The following L3MBTL3 variants were observed in gnomAD, a reference collection of about 807,000 sequenced individuals.
L3MBTL3 encodes L3MBTL histone methyl-lysine binding protein 3.
A neutral mutation model predicts 102.3 loss-of-function variants in L3MBTL3; 27 were observed. The observed-to-expected ratio is 0.26, with a 90% CI of 0.19 to 0.36. The LOEUF (loss-of-function observed/expected upper bound fraction) is 0.36, where lower values mean the gene tolerates loss of function less well. L3MBTL3 is among the 10% of genes least tolerant of loss of function. L3MBTL3 has a pLI of 1.00. For synonymous variants in L3MBTL3, 340 were observed against 320.9 expected, an observed-to-expected ratio of 1.06 and a Z score of -0.64; for missense variants, 798 against 955.3, an observed-to-expected ratio of 0.84 and a Z score of 2.17.
chr6:130,088,245 T>A (rs1297597565), intron 16 of L3MBTL3, among the ~76,000 whole-genome samples: 1 of 152,162 alleles, frequency 6.6e-6, no homozygotes, highest in Non-Finnish European at 1.5e-5. Flanking sequence ...AGATGAACCA[T>A]GGAACAAATA....
At chr6:130,086,045 G>A (rs1406982549) in intron 15 of L3MBTL3, 95 bp from the exon 16 acceptor site, 24 of 839,756 alleles carry the variant, frequency 2.9e-5, no homozygotes, top group South Asian at 7.0e-5. Context: ...GAGCCACCGC[G>A]CCTGGCCAGC....
At chr6:130,082,775 T>TA (rs1217793946) in intron 14 of L3MBTL3, among the ~76,000 whole-genome samples, 3 of 152,168 alleles carry the variant, frequency 2.0e-5, no homozygotes, top group Non-Finnish European at 4.4e-5. Flanking sequence ...TAAGCTGATA[T>TA]AGCTAGGAAA....
intron 6 of L3MBTL3, among the ~76,000 whole-genome samples, chr6:130,051,887 C>T (rs1479689786): frequency 6.6e-6 from 1 of 152,098 alleles, no homozygotes. Context: ...CACTGATGAT[C>T]TCAAGGTGTG....
chr6:130,053,800 G>C (rs768189042), intron 7 of L3MBTL3, among the ~76,000 whole-genome samples: 6 of 152,172 alleles, frequency 3.9e-5, no homozygotes, highest in African/African-American at 9.7e-5. Flanking sequence ...TTGAGATCTG[G>C]AAGTGTTTCC....
At chr6:130,081,296 A>G (rs1023710122) in intron 14 of L3MBTL3, among the ~76,000 whole-genome samples, 1 of 152,256 alleles carries the variant, frequency 6.6e-6, no homozygotes, top group Non-Finnish European at 1.5e-5. Flanking sequence ...ACACACATGC[A>G]TGCGTACACC....
At position 130,071,117 on chromosome 6, in the gene L3MBTL3, T is replaced by C; in HGVS notation, c.1234T>C (p.Tyr412His). The C allele has an allele frequency of 6.2e-7, 1 of 1,611,832 alleles. No homozygotes were observed. The highest frequency in any genetic ancestry group is 8.5e-7 in the Non-Finnish European group (1 of 1,178,734). ...ACATTTTGACAACTGGGATGAGAGCTATGACTATTGGTGAGACATTTTCTG... is the reference window on the plus strand; with the variant it reads ...ACATTTTGACAACTGGGATGAGAGCCATGACTATTGGTGAGACATTTTCTG... ...LVHFDNWDESYDYWCEASSPH... is the reference protein window; with the variant it reads ...LVHFDNWDESHDYWCEASSPH... Residue 412 changes from tyrosine (Y) to histidine (H), a missense_variant, in exon 13 of 23, where the codon TAT (tyrosine) becomes CAT (histidine). Tyr to His is a moderately conservative substitution (Grantham distance 83). Coordinates refer to ENST00000361794, the MANE Select transcript of L3MBTL3 (RefSeq NM_032438.4).
At chr6:130,074,485 A>G (rs1046235128) in intron 13 of L3MBTL3, among the ~76,000 whole-genome samples, 1 of 152,148 alleles carries the variant, frequency 6.6e-6, no homozygotes, top group Non-Finnish European at 1.5e-5. Flanking sequence ...ACTAGAAAGA[A>G]CTTTAGGGAC....
At chr6:130,089,949 A>G (rs1783936739) in intron 16 of L3MBTL3, among the ~76,000 whole-genome samples, 1 of 152,004 alleles carries the variant, frequency 6.6e-6, no homozygotes, top group Non-Finnish European at 1.5e-5. Flanking sequence ...TCTCATACTC[A>G]GCAGCCACCT....
At chr6:130,097,434 A>C (rs1784426248) in intron 18 of L3MBTL3, among the ~76,000 whole-genome samples, 1 of 152,224 alleles carries the variant, frequency 6.6e-6, no homozygotes, top group Non-Finnish European at 1.5e-5. Flanking sequence ...TAAGCAAGAG[A>C]CTTTGTTTTG....
intron 9 of L3MBTL3, among the ~76,000 whole-genome samples, chr6:130,059,660 C>G (rs978760099): frequency 6.6e-6 from 1 of 152,134 alleles, no homozygotes; most frequent in African/African-American, 2.4e-5. Context: ...TTCATTCTTC[C>G]TAGTGATGTA....
chr6:130,108,303 T>TGGCTCACTGCAACCTCC (rs752284269), intron 19 of L3MBTL3, among the ~76,000 whole-genome samples: 183 of 147,264 alleles, frequency 1.2e-3, no homozygotes, highest in Non-Finnish European at 1.9e-3. Flanking sequence ...GGCGTGATCT[T>TGGCTCACTGCAACCTCC]GGCTCACTGC....
chr6:130,064,662 G>C (rs1313036389), intron 10 of L3MBTL3, among the ~76,000 whole-genome samples: 1 of 152,184 alleles, frequency 6.6e-6, no homozygotes, highest in African/African-American at 2.4e-5. Context: ...GGTGTGGTGG[G>C]AGGCAGCAAC....
chr6:130,082,187 G>T (rs1783409931), intron 14 of L3MBTL3, among the ~76,000 whole-genome samples: 1 of 152,062 alleles, frequency 6.6e-6, no homozygotes, highest in African/African-American at 2.4e-5. Flanking sequence ...TTTTTTCTCT[G>T]TAACTAATAA....
chr6:130,054,954 C>T (rs1029813465), intron 7 of L3MBTL3: 8 of 487,632 alleles, frequency 1.6e-5, no homozygotes, highest in African/African-American at 1.2e-4. Flanking sequence ...TGTCCATGCC[C>T]TTCCAACCGG....
Position 130,086,229 on chromosome 6 carries a change from C to A in L3MBTL3, c.1497C>A (p.Asp499Glu), listed in dbSNP as rs145851938. The stretch of plus-strand genomic sequence containing the variant: ...TTATTAGAGTAGCAACTGTGGCAGA[C>A]ACAGATGATCACCGGGTAAAAGTAA... ...PMFIRVATVA[D>E]TDDHRVKVHF... Residue 499 changes from aspartate to glutamate, a missense_variant, in exon 16 of 23, where the codon GAC (aspartate) becomes GAA (glutamate). Coordinates refer to ENST00000361794, the MANE Select transcript of L3MBTL3 (RefSeq NM_032438.4). 6.2e-7 allele frequency: 1 copy of A among 1,608,414 alleles called. No homozygotes were observed. Among genetic ancestry groups the A allele is most frequent in the Non-Finnish European group, 8.5e-7 (1 of 1,175,774 alleles).
intron 19 of L3MBTL3, among the ~76,000 whole-genome samples, chr6:130,115,163 T>G (rs373205012): frequency 1.3e-5 from 2 of 152,114 alleles, no homozygotes; most frequent in East Asian, 3.9e-4. Context: ...GAAGTACAAG[T>G]CTCTTTCAGT....
intron 10 of L3MBTL3, among the ~76,000 whole-genome samples, chr6:130,060,864 A>G (rs1781848815): frequency 6.6e-6 from 1 of 151,918 alleles, no homozygotes; most frequent in Non-Finnish European, 1.5e-5. Flanking sequence ...AGGTATATCT[A>G]TTTTAAAAAT....
chr6:130,025,151 A>G (rs1277886883), intron 2 of L3MBTL3, among the ~76,000 whole-genome samples: 2 of 152,168 alleles, frequency 1.3e-5, no homozygotes, highest in African/African-American at 4.8e-5. Flanking sequence ...ACCACTTGCC[A>G]CTATTGAGGG....
intron 2 of L3MBTL3, among the ~76,000 whole-genome samples, chr6:130,024,542 G>A (rs1779213639): frequency 6.6e-6 from 1 of 152,112 alleles, no homozygotes; most frequent in Non-Finnish European, 1.5e-5. Context: ...GACTGGGTTG[G>A]TAGTTTATTT....
Sources: gnomAD v4.1 joint callset for allele counts (sites outside exome capture counted in the v4.1 genomes callset) on GRCh38, gnomAD v4.1.1 for gene constraint, MANE v1.5 for transcripts, NCBI Gene and HGNC (gene_info 2026-07-23, HGNC 2026-07-21) for gene names.